Variants in LRGUK observed in about 807,000 individuals in gnomAD.
The protein encoded by LRGUK is leucine-rich repeat and guanylate kinase domain-containing protein.
Under a neutral mutation model 76.0 loss-of-function variants are expected in LRGUK, and 65 were observed. The observed-to-expected ratio is 0.85, with a 90% confidence interval of 0.70 to 1.05. LRGUK has a LOEUF of 1.05. Among genes scored for constraint, LRGUK ranks in the 50% least tolerant of loss-of-function variants. The pLI is 0.00. For synonymous variants in LRGUK, 268 were observed against 265.6 expected, an observed-to-expected ratio of 1.01 and a Z score of -0.09; for missense variants, 758 against 732.8, an observed-to-expected ratio of 1.03 and a Z score of -0.40.
At chr7:134,164,895 G>A (rs1798904549) in intron 7 of LRGUK, among the ~76,000 whole-genome samples, 1 of 152,086 alleles carries the variant, frequency 6.6e-6, no homozygotes, top group African/African-American at 2.4e-5. Flanking sequence ...AGTTGTTTTG[G>A]CAACTTCTCC....
chr7:134,253,127 C>G (rs1475714391), intron 18 of LRGUK, among the ~76,000 whole-genome samples: 1 of 152,160 alleles, frequency 6.6e-6, no homozygotes, highest in Admixed American at 6.5e-5. Context: ...GGATAGGGAT[C>G]ATAACATTGG....
intron 12 of LRGUK, among the ~76,000 whole-genome samples, chr7:134,193,932 C>G (rs191606530): frequency 2.4e-4 from 36 of 152,288 alleles, no homozygotes; most frequent in African/African-American, 8.4e-4. Context: ...CACCTTCCCC[C>G]ACACAGGGGC....
At chr7:134,208,613 T>C in intron 15 of LRGUK, 1 of 397,626 alleles carries the variant, frequency 2.5e-6, no homozygotes, top group Non-Finnish European at 4.4e-6. Flanking sequence ...CAAGGGCCTA[T>C]GTGCATCTAA....
intron 16 of LRGUK, 82 bp downstream of exon 16, chr7:134,222,000 T>A: frequency 7.6e-7 from 1 of 1,309,262 alleles, no homozygotes; most frequent in African/African-American, 1.5e-5. Flanking sequence ...ATTTTGAGAC[T>A]AATAAGTTTC....
chr7:134,202,968 G>T (rs925466956), intron 15 of LRGUK, among the ~76,000 whole-genome samples: 1 of 152,192 alleles, frequency 6.6e-6, no homozygotes, highest in African/African-American at 2.4e-5. Flanking sequence ...ACTTTGGGAG[G>T]CCGAGGTGGG....
intron 2 of LRGUK, among the ~76,000 whole-genome samples, chr7:134,138,737 C>T (rs1585419580): frequency 6.6e-6 from 1 of 152,142 alleles, no homozygotes; most frequent in Admixed American, 6.5e-5. Context: ...GTCTTTGTTC[C>T]ACTCAACCAA....
chr7:134,242,427 C>A (rs1157014153), intron 16 of LRGUK, among the ~76,000 whole-genome samples: 2 of 152,214 alleles, frequency 1.3e-5, no homozygotes, highest in African/African-American at 4.8e-5. Flanking sequence ...ATAAACACTT[C>A]TATGCAAATA....
At chr7:134,259,001 T>C (rs1354522962) in intron 19 of LRGUK, among the ~76,000 whole-genome samples, 1 of 152,146 alleles carries the variant, frequency 6.6e-6, no homozygotes, top group African/African-American at 2.4e-5. Context: ...AACGACCACA[T>C]GCTCTTTGGA....
rs193174987 is a variant in LRGUK, at chr7:134,173,134, A to G, written c.940-1422A>G. The stretch of plus-strand genomic sequence containing the variant: ...TCCCTTTTAAAAAAAGATAATCCAA[A>G]TGGCAGACTGATGGACAGTTTAGTC... On this transcript the variant is annotated intron_variant, in intron 7 of 15. Transcript: ENST00000645682. Among the ~76,000 whole-genome samples, 18 of 152,366 alleles carry G rather than the reference A, an allele frequency of 1.2e-4. 1 individual carries two copies. The highest frequency in any genetic ancestry group is 1.0e-3 in the Admixed American group (16 of 15,308).
intron 17 of LRGUK, 79 bp from the exon 18 acceptor site, chr7:134,248,872 T>G: frequency 1.7e-6 from 2 of 1,150,482 alleles, no homozygotes; most frequent in Non-Finnish European, 2.2e-6. Flanking sequence ...ATCTGGGATA[T>G]TTAGGTATAC....
intron 18 of LRGUK, among the ~76,000 whole-genome samples, chr7:134,256,873 A>G (rs549814792): frequency 1.9e-4 from 29 of 152,318 alleles, no homozygotes; most frequent in African/African-American, 5.5e-4. Flanking sequence ...GGGCAGGTCC[A>G]GATCTTGTGT....
At chr7:134,247,492 A>G in intron 16 of LRGUK, 64 bp from the exon 17 acceptor site, 1 of 1,168,198 alleles carries the variant, frequency 8.6e-7, no homozygotes, top group Non-Finnish European at 1.3e-6. Context: ...GAATTATTAT[A>G]GATGTTTTAA....
chr7:134,221,573 A>ATATC (rs1199292661), intron 15 of LRGUK, among the ~76,000 whole-genome samples: 3 of 152,254 alleles, frequency 2.0e-5, no homozygotes, highest in Admixed American at 6.5e-5. Context: ...TTCGGAGGAT[A>ATATC]TATCTATTAG....
chr7:134,191,507 G>A (rs761553157), intron 11 of LRGUK, 148 bp from the exon 12 acceptor site: 25 of 631,648 alleles, frequency 4.0e-5, no homozygotes, highest in Middle Eastern at 3.7e-4. Flanking sequence ...TTAGCACTTC[G>A]AAACCAACAT....
chr7:134,246,030 T>C (rs1802292040), intron 16 of LRGUK, among the ~76,000 whole-genome samples: 1 of 152,182 alleles, frequency 6.6e-6, no homozygotes, highest in Admixed American at 6.5e-5. Context: ...AGGGAAAAAG[T>C]AAAATGATTT....
At chr7:134,164,277 A>G (rs575029010) in intron 7 of LRGUK, among the ~76,000 whole-genome samples, 23 of 152,186 alleles carry the variant, frequency 1.5e-4, no homozygotes, top group Non-Finnish European at 2.5e-4. Flanking sequence ...AAAAATGCAA[A>G]TACCCTAGGA....
At chr7:134,175,617 C>A (rs185243661) in intron 8 of LRGUK, among the ~76,000 whole-genome samples, 61 of 152,302 alleles carry the variant, frequency 4.0e-4, no homozygotes, top group Non-Finnish European at 4.1e-4. Context: ...TACACCTAAG[C>A]TTTGTACATT....
chr7:134,182,763 G>C (rs1488941655), intron 10 of LRGUK, among the ~76,000 whole-genome samples: 3 of 152,206 alleles, frequency 2.0e-5, no homozygotes, highest in Admixed American at 2.0e-4. Context: ...TTATGATGAT[G>C]ATGATGATGA....
At chr7:134,206,826 C>G (rs888030435) in intron 15 of LRGUK, among the ~76,000 whole-genome samples, 4 of 152,094 alleles carry the variant, frequency 2.6e-5, no homozygotes, top group Non-Finnish European at 5.9e-5. Flanking sequence ...AACTATCACC[C>G]TGAGTTCTTG....
Sources: allele counts gnomAD v4.1 joint callset (sites outside exome capture counted in the v4.1 genomes callset), GRCh38; gene constraint gnomAD v4.1.1; transcripts MANE v1.5; gene names NCBI Gene and HGNC (gene_info 2026-07-23, HGNC 2026-07-21).